SNX11: variants seen among roughly 807,000 people sequenced by gnomAD.
SNX11 encodes the protein sorting nexin-11.
A neutral mutation model predicts 30.7 loss-of-function variants in SNX11; 19 were observed. The ratio of observed to expected loss-of-function variants is 0.62; its 90% CI spans 0.43 to 0.91. SNX11 has a LOEUF of 0.91. Among genes scored for constraint, SNX11 ranks in the 40% least tolerant of loss-of-function variants. SNX11 has a pLI of 0.00. For synonymous variants in SNX11, 112 were observed against 119.0 expected (o/e 0.94, Z 0.38); for missense variants, 302 against 326.7 (o/e 0.92, Z 0.58).
chr17:48,121,194 GC>G, intron 6 of SNX11, 40 bp from the exon 7 acceptor site: 1 of 1,605,298 alleles, frequency 6.2e-7, no homozygotes, highest in Non-Finnish European at 8.5e-7. Flanking sequence ...TGTTACCCAA[GC>G]TGTTCATACC....
chr17:48,117,168 C>T (rs796616035), intron 4 of SNX11, among the ~76,000 whole-genome samples: 56 of 152,042 alleles, frequency 3.7e-4, no homozygotes, highest in African/African-American at 1.3e-3. Context: ...GATTCCCCTG[C>T]CTCAGCCTCC....
intron 6 of SNX11, among the ~76,000 whole-genome samples, chr17:48,120,627 G>T (rs551111732): frequency 1.8e-3 from 267 of 146,778 alleles, no homozygotes; most frequent in African/African-American, 6.3e-3. Flanking sequence ...TCCTGCCTCA[G>T]CCTCCCGAGT....
At chr17:48,109,766 C>T (rs563627704) in intron 1 of SNX11, among the ~76,000 whole-genome samples, 2 of 151,716 alleles carry the variant, frequency 1.3e-5, no homozygotes, top group East Asian at 1.9e-4. Flanking sequence ...TTAGTAGAGA[C>T]GGAGTTTCAT....
intron 2 of SNX11, 95 bp downstream of exon 2, chr17:48,112,180 C>T (rs111834120): frequency 0.013 from 14,632 of 1,098,684 alleles, 129 homozygotes; most frequent in Middle Eastern, 0.034. Context: ...TAATTATTAC[C>T]TGCAGTATTA....
Position 48,111,879 on chromosome 17 carries a change from T to G in SNX11, c.-13-152T>G, listed in dbSNP as rs2063496033. The G allele has an allele frequency of 3.4e-5, 21 of 623,058 alleles. 1 individual carries two copies. The South Asian group carries it at 4.0e-4, about 12-fold the overall frequency. The allele number at this position is 623,058 out of a possible 1,614,324, so 38.6% of individuals were successfully genotyped here. ...TGGCATTGAGCTAATGGGGATTTTT[T>G]TTTTGCTTCCTCTTAAGTTTTACAA... On this transcript the variant is annotated intron_variant, in intron 1 of 6. Coordinates refer to ENST00000359238, the MANE Select transcript of SNX11 (RefSeq NM_013323.3).
At position 48,121,407 on chromosome 17, in the gene SNX11, A is replaced by G. The variant is rs1221914215; in HGVS notation, c.712A>G (p.Lys238Glu). The change falls in exon 7 of 7, where the codon AAA becomes GAA. Residue 238 changes from lysine (K) to glutamate (E), a missense_variant. By Grantham distance (56) the Lys-to-Glu change is moderately conservative. Coordinates refer to ENST00000359238, the MANE Select transcript of SNX11 (RefSeq NM_013323.3). ...SPLCCDFGRP[K>E]EGTSTLQSVR... Reference sequence around the variant, plus strand: ...ATTATGCTGTGATTTTGGAAGACCCAAAGAGGGAACCTCCACTCTTCAGTC... The same window carrying G: ...ATTATGCTGTGATTTTGGAAGACCCGAAGAGGGAACCTCCACTCTTCAGTC... 2.5e-6 allele frequency: 4 copies of G among 1,614,030 alleles called. No homozygotes were observed. The highest frequency in any genetic ancestry group is 3.4e-6 in the Non-Finnish European group (4 of 1,180,020).
intron 5 of SNX11, 51 bp downstream of exon 5, chr17:48,118,850 G>A (rs779462577): frequency 6.4e-7 from 1 of 1,572,300 alleles, no homozygotes; most frequent in South Asian, 1.1e-5. Context: ...AGGCAGGGGT[G>A]GAGGAATGTG....
chr17:48,121,615 C>T lies in SNX11; in HGVS notation c.*107C>T. On this transcript the variant is annotated 3_prime_UTR_variant, in exon 7 of 7. Transcript: ENST00000359238. Reference sequence around the variant, plus strand: ...TGTGGGAGGCTGGGCTGCTTAGTGTCTTCTAGTCACCTCTGCTTGGGCTGA... The same window carrying T: ...TGTGGGAGGCTGGGCTGCTTAGTGTTTTCTAGTCACCTCTGCTTGGGCTGA... 8.4e-7 allele frequency: 1 copy of T among 1,184,634 alleles called. No homozygotes were observed. The highest frequency in any genetic ancestry group is 1.2e-6 in the Non-Finnish European group (1 of 830,054). 73.4% of individuals were successfully genotyped at this position (1,184,634 alleles called of 1,614,324 possible).
chr17:48,115,931 T>C lies in SNX11; in HGVS notation c.230+2530T>C, dbSNP rs530490950. Among the ~76,000 whole-genome samples, 14 of 134,498 alleles carry C rather than the reference T, an allele frequency of 1.0e-4. No individual in the cohort carries two copies. In the Middle Eastern group the frequency reaches 0.012, roughly 114 times the overall value. 88.2% of individuals were successfully genotyped at this position (134,498 alleles called of 152,430 possible). A position where few individuals can be genotyped will look rare whatever the true frequency, so the allele number is the denominator to read the frequency against. On this transcript the variant is annotated intron_variant, in intron 4 of 6. Coordinates refer to ENST00000359238, the MANE Select transcript of SNX11 (RefSeq NM_013323.3). ...GGCCTGTTTTTTTTTTGTTTTGTTT[T>C]TCTTTTTCTTTCTTTTTTTTTTTTT...
Position 48,121,670 on chromosome 17 carries a change from A to G in SNX11, c.*162A>G. ...CAGAGGTCAGTCATTACAGCCCCTT[A>G]TGCCTCTTCCATGGGAACAAATACT... is the stretch of plus-strand genomic sequence containing the variant. On this transcript the variant is annotated 3_prime_UTR_variant, in exon 7 of 7. Transcript: ENST00000359238. 1.5e-6 allele frequency: 1 copy of G among 671,042 alleles called. No homozygotes were observed. 41.6% of individuals were successfully genotyped at this position (671,042 alleles called of 1,614,324 possible).
In SNX11 at chr17:48,121,940, C is replaced by T. The variant is rs1446905799; in HGVS notation, c.*432C>T. 1 of 161,834 alleles carries T rather than the reference C, an allele frequency of 6.2e-6. No individual in the cohort carries two copies. The highest frequency in any genetic ancestry group is 1.4e-5 in the Non-Finnish European group (1 of 73,500). The allele number at this position is 161,834 out of a possible 1,614,324, so 10.0% of individuals were successfully genotyped here. On this transcript the variant is annotated 3_prime_UTR_variant, in exon 7 of 7. Transcript: ENST00000359238. ...GGCTGGCTTCAGTTTTTGCTGTAGC[C>T]CTAGAGCACTTTGTTTGTGGGAGGC...
At chr17:48,117,062 GT>G (rs574636264) in intron 4 of SNX11, among the ~76,000 whole-genome samples, 11 of 147,380 alleles carry the variant, frequency 7.5e-5, no homozygotes, top group African/African-American at 2.7e-4. Context: ...TCTCTTTTTT[GT>G]TTTTTTTTGA....
intron 3 of SNX11, chr17:48,112,888 G>A (rs2063506003): frequency 9.1e-6 from 3 of 329,258 alleles, no homozygotes; most frequent in Non-Finnish European, 1.1e-5. Context: ...GTGCCACCAC[G>A]CCCAGCTAAT....
chr17:48,115,474 T>A (rs1235567450), intron 4 of SNX11, among the ~76,000 whole-genome samples: 2 of 152,254 alleles, frequency 1.3e-5, no homozygotes, highest in Non-Finnish European at 1.5e-5. Context: ...TCTTTCTTTA[T>A]ATGCATATAT....
At chr17:48,119,699 G>T (rs928267242) in intron 6 of SNX11, among the ~76,000 whole-genome samples, 1 of 149,748 alleles carries the variant, frequency 6.7e-6, no homozygotes. Context: ...TGATCCGCCT[G>T]CCTCTGCCTC....
intron 6 of SNX11, among the ~76,000 whole-genome samples, 159 bp from the exon 7 acceptor site, chr17:48,121,076 C>T (rs1010380243): frequency 3.9e-5 from 6 of 152,160 alleles, no homozygotes; most frequent in Non-Finnish European, 8.8e-5. Flanking sequence ...GCCTTGACCT[C>T]CAAGGCTCAA....
At chr17:48,114,018 C>A (rs1183697141) in intron 4 of SNX11, among the ~76,000 whole-genome samples, 1 of 151,500 alleles carries the variant, frequency 6.6e-6, no homozygotes. Context: ...ACTATGCCTG[C>A]CTAATTTTTG....
At chr17:48,109,076 G>A (rs1302807977) in intron 1 of SNX11, among the ~76,000 whole-genome samples, 2 of 152,018 alleles carry the variant, frequency 1.3e-5, no homozygotes, top group African/African-American at 2.4e-5. Flanking sequence ...GGGAGTACAG[G>A]CCTGTGCCAC....
At chr17:48,113,202 T>A in intron 3 of SNX11, 99 bp from the exon 4 acceptor site, 1 of 1,004,168 alleles carries the variant, frequency 1.0e-6, no homozygotes, top group Admixed American at 1.8e-5. Context: ...TGTGGCCTGA[T>A]GGCATGGCTC....
Sources: allele counts gnomAD v4.1 joint callset (sites outside exome capture counted in the v4.1 genomes callset), GRCh38; gene constraint gnomAD v4.1.1; transcripts MANE v1.5; gene names NCBI Gene and HGNC (gene_info 2026-07-23, HGNC 2026-07-21).